CCDC33: variants seen among roughly 807,000 people sequenced by gnomAD.
The protein encoded by CCDC33 is coiled-coil domain containing 33.
A neutral mutation model predicts 91.9 loss-of-function variants in CCDC33; 94 were observed. The ratio of observed to expected loss-of-function variants is 1.02; its 90% CI spans 0.87 to 1.21. CCDC33 has a LOEUF of 1.21. CCDC33 is among the 50% of genes most tolerant of loss of function. The probability of loss-of-function intolerance (pLI) is 0.00; values close to 1 mark genes in which losing one functional copy is unlikely to be tolerated. For synonymous variants in CCDC33, 396 were observed against 374.5 expected, an observed-to-expected ratio of 1.06 and a Z score of -0.66; for missense variants, 940 against 935.5, an observed-to-expected ratio of 1.00 and a Z score of -0.06.
intron 10 of CCDC33, among the ~76,000 whole-genome samples, chr15:74,292,603 C>T (rs748019582): frequency 6.6e-6 from 1 of 152,218 alleles, no homozygotes; most frequent in Non-Finnish European, 1.5e-5. Context: ...ACCTCTCCAC[C>T]TTGCCTCCAA....
At chr15:74,283,690 T>C (rs1278938453) in intron 10 of CCDC33, among the ~76,000 whole-genome samples, 2 of 151,884 alleles carry the variant, frequency 1.3e-5, no homozygotes, top group Non-Finnish European at 2.9e-5. Flanking sequence ...TAAAAAACCT[T>C]TTAGTAATGG....
chr15:74,253,220 G>C (rs952078853), intron 2 of CCDC33, among the ~76,000 whole-genome samples: 1 of 152,194 alleles, frequency 6.6e-6, no homozygotes, highest in African/African-American at 2.4e-5. Context: ...GCTTACTCCT[G>C]AGCATGGGCA....
intron 10 of CCDC33, among the ~76,000 whole-genome samples, chr15:74,291,587 T>C (rs1176407233): frequency 6.6e-6 from 1 of 152,198 alleles, no homozygotes; most frequent in African/African-American, 2.4e-5. Flanking sequence ...ATTAAGAGCA[T>C]GTGCGCTCCA....
intron 11 of CCDC33, among the ~76,000 whole-genome samples, chr15:74,315,113 G>A (rs554329062): frequency 3.2e-4 from 48 of 152,330 alleles, no homozygotes; most frequent in South Asian, 1.9e-3. Context: ...GCAACTGTGC[G>A]ACTCCAGGAG....
At chr15:74,318,597 A>G in intron 11 of CCDC33, 1 of 734,602 alleles carries the variant, frequency 1.4e-6, no homozygotes. Flanking sequence ...AAGATGGGGG[A>G]GCCAGGGCCC....
At chr15:74,302,475 C>T (rs1489306358) in intron 11 of CCDC33, 1 of 152,318 alleles carries the variant, frequency 6.6e-6, no homozygotes, top group East Asian at 1.9e-4. Context: ...TCCATCTTAG[C>T]ATGCTGCTTA....
intron 2 of CCDC33, among the ~76,000 whole-genome samples, chr15:74,225,483 G>A (rs769484454): frequency 5.6e-4 from 80 of 143,408 alleles, no homozygotes; most frequent in Non-Finnish European, 9.3e-4. Context: ...GCACACATAC[G>A]TGAATATACA....
chr15:74,222,799 C>G (rs1347603504), intron 2 of CCDC33, among the ~76,000 whole-genome samples: 8 of 148,558 alleles, frequency 5.4e-5, no homozygotes, highest in Admixed American at 4.7e-4. Flanking sequence ...CCCACTCCCC[C>G]GACCCCCGCC....
chr15:74,323,216 A>G (rs78169182), intron 11 of CCDC33, among the ~76,000 whole-genome samples: 4,576 of 152,214 alleles, frequency 0.03, 222 homozygotes, highest in African/African-American at 0.11. Context: ...CACTTCCTCC[A>G]GGCCACACCA....
intron 2 of CCDC33, among the ~76,000 whole-genome samples, chr15:74,248,744 A>G (rs2142299200): frequency 6.6e-6 from 1 of 152,182 alleles, no homozygotes; most frequent in East Asian, 1.9e-4. Flanking sequence ...CACATCCTCC[A>G]GCCAAAACTA....
rs371567705 is a variant in CCDC33, at chr15:74,268,434, C to T, written c.522C>T (p.Ile174=). Residue 174 remains isoleucine, a synonymous_variant, in exon 5 of 19, where the codon ATC becomes ATT. Coordinates refer to ENST00000398814, the MANE Select transcript of CCDC33 (RefSeq NM_025055.5). ...VRKSSFIPRY[I]GCNHMALEIF... ...AGAGCAGCTTCATACCCCGCTACAT[C>T]GGCTGCAACCACATGGCTCTGGAGG... 9.7e-6 allele frequency: 15 copies of T among 1,546,766 alleles called. No individual in the cohort carries two copies. Among genetic ancestry groups the T allele is most frequent in the African/African-American group, 5.7e-5 (4 of 70,050 alleles).
At chr15:74,257,527 T>A (rs1030954287) in intron 2 of CCDC33, among the ~76,000 whole-genome samples, 1 of 152,230 alleles carries the variant, frequency 6.6e-6, no homozygotes, top group Non-Finnish European at 1.5e-5. Context: ...CCCTCCTGCC[T>A]GCCTGGCTTC....
chr15:74,212,076 G>A (rs772660257), intron 2 of CCDC33: 1 of 152,588 alleles, frequency 6.6e-6, no homozygotes, highest in Non-Finnish European at 1.5e-5. Context: ...GCCTTGTCTT[G>A]TGCTGACTCA....
intron 11 of CCDC33, among the ~76,000 whole-genome samples, chr15:74,310,966 C>A (rs1342460917): frequency 1.3e-5 from 2 of 152,140 alleles, no homozygotes; most frequent in Non-Finnish European, 2.9e-5. Context: ...TGGCCTGGAG[C>A]CTGGCAGCAG....
At chr15:74,313,712 C>T (rs2060037395) in intron 11 of CCDC33, among the ~76,000 whole-genome samples, 1 of 152,200 alleles carries the variant, frequency 6.6e-6, no homozygotes, top group South Asian at 2.1e-4. Context: ...TGAGCTGGCC[C>T]TGCCACAGAA....
intron 1 of CCDC33, among the ~76,000 whole-genome samples, chr15:74,242,157 G>A (rs191806679): frequency 6.6e-6 from 1 of 152,360 alleles, no homozygotes; most frequent in Admixed American, 6.5e-5. Context: ...AGGAGCCAAG[G>A]CTCAAGGTAG....
chr15:74,211,576 G>A (rs1451715010), intron 2 of CCDC33, among the ~76,000 whole-genome samples: 5 of 151,958 alleles, frequency 3.3e-5, no homozygotes, highest in Admixed American at 1.3e-4. Flanking sequence ...GAATTTTTTT[G>A]TATTTTTAGT....
At chr15:74,293,001 A>C (rs949759300) in intron 10 of CCDC33, among the ~76,000 whole-genome samples, 3 of 152,204 alleles carry the variant, frequency 2.0e-5, no homozygotes, top group African/African-American at 4.8e-5. Context: ...CAGAATCCAC[A>C]TACAAGTACC....
intron 10 of CCDC33, among the ~76,000 whole-genome samples, chr15:74,286,541 C>A (rs549128406): frequency 6.6e-6 from 1 of 152,292 alleles, no homozygotes; most frequent in South Asian, 2.1e-4. Flanking sequence ...TGGATTGGAG[C>A]CTGGCATGCA....
Sources: gnomAD v4.1 joint callset for allele counts (sites outside exome capture counted in the v4.1 genomes callset) on GRCh38, gnomAD v4.1.1 for gene constraint, MANE v1.5 for transcripts, NCBI Gene and HGNC (gene_info 2026-07-23, HGNC 2026-07-21) for gene names.